PCDH9: variants seen among roughly 807,000 people sequenced by gnomAD.
PCDH9 encodes the protein protocadherin-9.
A neutral mutation model predicts 70.6 loss-of-function variants in PCDH9; 24 were observed. That is an observed-to-expected ratio of 0.34 (90% CI 0.25 to 0.48). PCDH9 has a LOEUF of 0.48. Among genes scored for constraint, PCDH9 ranks in the 20% least tolerant of loss-of-function variants. The pLI is 0.99. For synonymous variants in PCDH9, 562 were observed against 558.5 expected (o/e 1.01, Z -0.09); for missense variants, 1,281 against 1,503.6 (o/e 0.85, Z 2.45).
At chr13:67,193,624 T>C (rs2088980150) in intron 2 of PCDH9, among the ~76,000 whole-genome samples, 1 of 152,142 alleles carries the variant, frequency 6.6e-6, no homozygotes, top group South Asian at 2.1e-4. Context: ...AATAATGCCT[T>C]GTGCAGAGCC....
chr13:66,459,701 A>G (rs1958385385), intron 4 of PCDH9, among the ~76,000 whole-genome samples: 1 of 152,002 alleles, frequency 6.6e-6, no homozygotes, highest in African/African-American at 2.4e-5. Flanking sequence ...TTCTTAATTA[A>G]CATGAAGACA....
intron 4 of PCDH9, among the ~76,000 whole-genome samples, chr13:66,342,613 T>C (rs904191059): frequency 6.6e-6 from 1 of 151,916 alleles, no homozygotes; most frequent in Non-Finnish European, 1.5e-5. Flanking sequence ...TCCAGAGTCC[T>C]TTTCTTTCTC....
chr13:67,020,619 T>C (rs964087091), intron 2 of PCDH9, among the ~76,000 whole-genome samples: 2 of 152,118 alleles, frequency 1.3e-5, no homozygotes, highest in Admixed American at 6.5e-5. Flanking sequence ...GTAAAACATA[T>C]AGCTGGCATT....
chr13:66,460,230 A>G (rs1958397664), intron 4 of PCDH9, among the ~76,000 whole-genome samples: 1 of 151,950 alleles, frequency 6.6e-6, no homozygotes, highest in African/African-American at 2.4e-5. Flanking sequence ...CTATTATATA[A>G]TAGGAGAGAT....
intron 2 of PCDH9, among the ~76,000 whole-genome samples, chr13:67,108,520 C>T (rs1452725993): frequency 6.6e-6 from 1 of 152,104 alleles, no homozygotes. Flanking sequence ...TAGAAAATAG[C>T]ATCTAAGGCC....
intron 3 of PCDH9, among the ~76,000 whole-genome samples, chr13:66,822,444 G>T (rs2080729246): frequency 6.6e-6 from 1 of 151,498 alleles, no homozygotes; most frequent in Non-Finnish European, 1.5e-5. Context: ...ATGATGTAGT[G>T]CTAGAGCTAT....
intron 2 of PCDH9, among the ~76,000 whole-genome samples, chr13:67,010,596 T>C (rs1053855509): frequency 6.6e-6 from 1 of 152,000 alleles, no homozygotes; most frequent in African/African-American, 2.4e-5. Flanking sequence ...CTATTAGTCC[T>C]AGGATCTTCT....
chr13:66,897,667 T>C (rs1212574817), intron 3 of PCDH9, among the ~76,000 whole-genome samples: 1 of 152,164 alleles, frequency 6.6e-6, no homozygotes, highest in African/African-American at 2.4e-5. Context: ...TGAGTGTATG[T>C]AGTGTTTCTA....
chr13:66,347,364 G>T (rs1956227844), intron 4 of PCDH9, among the ~76,000 whole-genome samples: 1 of 152,064 alleles, frequency 6.6e-6, no homozygotes, highest in Admixed American at 6.6e-5. Context: ...ATCATTCAGT[G>T]TACTTAAAAT....
intron 3 of PCDH9, among the ~76,000 whole-genome samples, chr13:66,854,814 C>T (rs562792279): frequency 9.2e-5 from 14 of 152,014 alleles, no homozygotes; most frequent in South Asian, 2.1e-4. Context: ...TCAACGTTAA[C>T]GAATCAACAG....
At chr13:66,395,578 A>G (rs1245368560) in intron 4 of PCDH9, among the ~76,000 whole-genome samples, 2 of 151,978 alleles carry the variant, frequency 1.3e-5, no homozygotes, top group Non-Finnish European at 2.9e-5. Flanking sequence ...CCAGCCTGGT[A>G]ACATAGTAAG....
chr13:66,857,490 A>C (rs1462511039), intron 3 of PCDH9, among the ~76,000 whole-genome samples: 1 of 152,154 alleles, frequency 6.6e-6, no homozygotes, highest in African/African-American at 2.4e-5. Flanking sequence ...ATGAAAATGT[A>C]GGTGCTCTAC....
At chr13:66,495,467 G>C (rs945583018) in intron 4 of PCDH9, among the ~76,000 whole-genome samples, 4 of 152,116 alleles carry the variant, frequency 2.6e-5, no homozygotes, top group Non-Finnish European at 5.9e-5. Context: ...GGCGAGATGG[G>C]GACTAGGAAT....
intron 2 of PCDH9, among the ~76,000 whole-genome samples, chr13:66,957,005 T>G (rs2083274873): frequency 6.6e-6 from 1 of 152,228 alleles, no homozygotes; most frequent in South Asian, 2.1e-4. Context: ...CTCTAAAGGC[T>G]TGGTTTTGAT....
chr13:67,155,575 G>A lies in PCDH9; in HGVS notation c.3036+69830C>T, dbSNP rs7139486. Among the ~76,000 whole-genome samples the A allele has an allele frequency of 8.9e-3, 1,349 of 152,162 alleles. 16 individuals are homozygous for A. The highest frequency in any genetic ancestry group is 0.029 in the African/African-American group (1,200 of 41,498). On this transcript the variant is annotated intron_variant, in intron 2 of 4. Coordinates refer to ENST00000377865, the MANE Select transcript of PCDH9 (RefSeq NM_203487.3). ...TTAGATGCTTGATGTGTTCCATGAC[G>A]TGATTTTTTAAAAGTTATCCTCTCT...
At chr13:66,447,570 T>C (rs1958120165) in intron 4 of PCDH9, among the ~76,000 whole-genome samples, 1 of 152,154 alleles carries the variant, frequency 6.6e-6, no homozygotes, top group Non-Finnish European at 1.5e-5. Flanking sequence ...ATTAAATCTA[T>C]CTGTGGCAAT....
chr13:66,643,007 T>G (rs1281148878), intron 3 of PCDH9, among the ~76,000 whole-genome samples: 1 of 152,018 alleles, frequency 6.6e-6, no homozygotes, highest in Non-Finnish European at 1.5e-5. Context: ...GAGAATGCGA[T>G]GAATAATGAT....
At chr13:66,437,147 C>T (rs1957881987) in intron 4 of PCDH9, among the ~76,000 whole-genome samples, 2 of 151,496 alleles carry the variant, frequency 1.3e-5, no homozygotes, top group Admixed American at 6.6e-5. Flanking sequence ...CGGGCTCATA[C>T]CTGTAATCTC....
intron 4 of PCDH9, among the ~76,000 whole-genome samples, chr13:66,439,811 G>A (rs1020573018): frequency 6.6e-6 from 1 of 152,060 alleles, no homozygotes; most frequent in Admixed American, 6.6e-5. Context: ...AGTTGTCCAT[G>A]GTTTCCATGA....
Sources: allele counts gnomAD v4.1 joint callset (sites outside exome capture counted in the v4.1 genomes callset), GRCh38; gene constraint gnomAD v4.1.1; transcripts MANE v1.5; gene names NCBI Gene and HGNC (gene_info 2026-07-23, HGNC 2026-07-21).